Variants in WDTC1 observed in about 807,000 individuals in gnomAD.
WDTC1 encodes WD and tetratricopeptide repeats protein 1.
WDTC1 carries 12 observed loss-of-function variants against 76.0 expected under a neutral mutation model. The ratio of observed to expected loss-of-function variants is 0.16; its 90% confidence interval spans 0.10 to 0.26. The LOEUF is 0.26. Ranked by LOEUF, WDTC1 falls within the 10% of genes least tolerant of loss-of-function variation. The pLI, the probability that WDTC1 is intolerant of heterozygous loss-of-function variation, is 1.00. For synonymous variants in WDTC1, 326 were observed against 350.8 expected, an observed-to-expected ratio of 0.93 and a Z score of 0.79; for missense variants, 511 against 908.8, an observed-to-expected ratio of 0.56 and a Z score of 5.63.
chr1:27,293,449 A>AAAAAAAAAG (rs576038881), intron 7 of WDTC1, among the ~76,000 whole-genome samples: 2 of 150,426 alleles, frequency 1.3e-5, no homozygotes, highest in African/African-American at 4.9e-5. Context: ...AAAAAAAAAA[A>AAAAAAAAAG]AAAAGTATAA....
chr1:27,236,637 G>A (rs1018317391), intron 1 of WDTC1, among the ~76,000 whole-genome samples: 7 of 151,918 alleles, frequency 4.6e-5, no homozygotes, highest in South Asian at 2.1e-4. Flanking sequence ...TTTTTTAGCC[G>A]GGAGGAGTTC....
intron 4 of WDTC1, 60 bp from the exon 5 acceptor site, chr1:27,283,278 G>A (rs752301991): frequency 1.2e-4 from 171 of 1,466,270 alleles, no homozygotes; most frequent in Middle Eastern, 6.9e-4. Context: ...GAGAACATGG[G>A]ATGGGGAAAG....
intron 1 of WDTC1, among the ~76,000 whole-genome samples, chr1:27,258,141 G>A (rs927014348): frequency 6.0e-5 from 9 of 150,874 alleles, no homozygotes; most frequent in African/African-American, 2.2e-4. Flanking sequence ...GCTCATGCCT[G>A]TAATCCCAGC....
At chr1:27,297,858 C>T in intron 11 of WDTC1, 80 bp from the exon 12 acceptor site, 1 of 1,451,240 alleles carries the variant, frequency 6.9e-7, no homozygotes, top group Non-Finnish European at 9.2e-7. Flanking sequence ...CTGGGTGGCC[C>T]TCAGGCCATG....
At chr1:27,242,701 T>C (rs1237897570) in intron 1 of WDTC1, among the ~76,000 whole-genome samples, 1 of 152,050 alleles carries the variant, frequency 6.6e-6, no homozygotes, top group East Asian at 1.9e-4. Context: ...ACTCCTGACC[T>C]CAGGTGATTC....
chr1:27,251,998 A>G (rs1354018077), intron 1 of WDTC1, among the ~76,000 whole-genome samples: 1 of 151,934 alleles, frequency 6.6e-6, no homozygotes, highest in African/African-American at 2.4e-5. Flanking sequence ...TAGTGAGCCA[A>G]GATCGCGCCA....
intron 1 of WDTC1, among the ~76,000 whole-genome samples, chr1:27,235,397 TG>T (rs2011474237): frequency 1.5e-4 from 1 of 6,742 alleles, no homozygotes; most frequent in Non-Finnish European, 2.3e-4. Flanking sequence ...TCTCTTTCTG[TG>T]TGTGTGTGTG....
rs867446337 is a variant in WDTC1 at position 27,301,516 on chromosome 1, T to C, written c.1468+55T>C. 3.2e-6 allele frequency: 5 copies of C among 1,577,860 alleles called. No homozygotes were observed. In the Middle Eastern group the frequency reaches 8.3e-4, roughly 263 times the overall value. On this transcript the variant is annotated intron_variant, in intron 13 of 15. Coordinates refer to ENST00000319394, the MANE Select transcript of WDTC1 (RefSeq NM_001276252.2). The surrounding 1 kb of genome is among the most constrained non-coding windows in gnomAD (Gnocchi z 5.8). Reference sequence around the variant, plus strand: ...TACTCTTTCTCTTTGAGATGCTGCATGACATTCTGGAGAGGTCATGGTTCT... The same window carrying C: ...TACTCTTTCTCTTTGAGATGCTGCACGACATTCTGGAGAGGTCATGGTTCT...
In WDTC1 at chr1:27,283,458, G is replaced by T; in HGVS notation, c.291+9G>T. ...ATATCTTCTCTGTCAAGGTGAGCAG[G>T]ACAAGCCACAGAGCAAGCACAAGCC... On this transcript the variant is annotated intron_variant, in intron 5 of 15. Coordinates refer to ENST00000319394, the MANE Select transcript of WDTC1 (RefSeq NM_001276252.2). 6.3e-7 allele frequency: 1 copy of T among 1,591,794 alleles called. No homozygotes were observed.
intron 3 of WDTC1, among the ~76,000 whole-genome samples, chr1:27,280,965 A>T (rs1029315065): frequency 2.7e-5 from 4 of 150,322 alleles, no homozygotes; most frequent in African/African-American, 9.8e-5. Flanking sequence ...TCTTATTTTT[A>T]TTTTATTTTA....
intron 6 of WDTC1, 78 bp downstream of exon 6, chr1:27,287,939 G>T (rs2013390888): frequency 1.3e-6 from 2 of 1,502,322 alleles, no homozygotes; most frequent in East Asian, 4.9e-5. Flanking sequence ...TACAGACCTA[G>T]CTCTTTCCCT....
intron 1 of WDTC1, among the ~76,000 whole-genome samples, chr1:27,249,131 T>C (rs907495661): frequency 1.3e-5 from 2 of 151,934 alleles, no homozygotes; most frequent in Admixed American, 1.3e-4. Flanking sequence ...TAGCCGAGCA[T>C]AATGGTGCAT....
intron 1 of WDTC1, among the ~76,000 whole-genome samples, chr1:27,260,123 G>A (rs895626239): frequency 1.3e-5 from 2 of 151,678 alleles, no homozygotes; most frequent in South Asian, 2.1e-4. Context: ...GTTTTGTTTC[G>A]AGATGGAGTC....
intron 1 of WDTC1, among the ~76,000 whole-genome samples, chr1:27,252,807 AAAAG>A (rs959432196): frequency 3.9e-5 from 6 of 151,908 alleles, no homozygotes; most frequent in African/African-American, 1.5e-4. Flanking sequence ...CAAAAAAAGA[AAAAG>A]AAAAAAAAAA....
intron 5 of WDTC1, among the ~76,000 whole-genome samples, chr1:27,284,730 G>A: frequency 6.6e-6 from 1 of 151,670 alleles, no homozygotes; most frequent in Non-Finnish European, 1.5e-5. Flanking sequence ...CTTGGGAACG[G>A]CACTTACATG....
rs759171288 is a variant in WDTC1 at position 27,306,302 on chromosome 1, C to T, written c.1953C>T (p.Ile651=). 30 of 1,613,946 alleles carry T rather than the reference C, an allele frequency of 1.9e-5. No homozygotes were observed. In the East Asian group the frequency reaches 4.7e-4, roughly 25 times the overall value. Residue 651 remains isoleucine, a synonymous_variant, in exon 16 of 16, where the codon ATC becomes ATT. Coordinates refer to ENST00000319394, the MANE Select transcript of WDTC1 (RefSeq NM_001276252.2). This position sits in a 1 kb window ranked among gnomAD's most constrained non-coding sequence, Gnocchi z 5.0. The part of the protein sequence containing the change: ...EVMLLNMGYR[I]TGLSSGGAGA... ...TGCTGCTCAACATGGGCTACCGGAT[C>T]ACGGGCCTGAGCAGTGGGGGTGCCG...
chr1:27,289,042 C>A (rs1323960561), intron 6 of WDTC1, among the ~76,000 whole-genome samples: 3 of 148,662 alleles, frequency 2.0e-5, no homozygotes, highest in Non-Finnish European at 3.0e-5. Flanking sequence ...CTGACCCCCC[C>A]ACCTCCCTCC....
At chr1:27,264,813 T>C (rs2012608726) in intron 3 of WDTC1, among the ~76,000 whole-genome samples, 1 of 152,086 alleles carries the variant, frequency 6.6e-6, no homozygotes. Flanking sequence ...ATCTAATTTT[T>C]TTTTTTTGAA....
chr1:27,306,064 G>C lies in WDTC1; in HGVS notation c.1837-122G>C, dbSNP rs538611203. On this transcript the variant is annotated intron_variant, in intron 15 of 15. Coordinates refer to ENST00000319394, the MANE Select transcript of WDTC1 (RefSeq NM_001276252.2). The surrounding 1 kb of genome is among the most constrained non-coding windows in gnomAD (Gnocchi z 5.0). The stretch of plus-strand genomic sequence containing the variant: ...CTCCACCATATACACCTCCTGGCAT[G>C]TATGTGTACCTCCCCCTATAGATAG... 1 of 1,102,860 alleles carries C rather than the reference G, an allele frequency of 9.1e-7. No homozygotes were observed. The highest frequency in any genetic ancestry group is 2.5e-4 in the Middle Eastern group (1 of 4,044). 68.3% of individuals were successfully genotyped at this position (1,102,860 alleles called of 1,614,324 possible). A position where few individuals can be genotyped will look rare whatever the true frequency, so the allele number is the denominator to read the frequency against.
Sources: gnomAD v4.1 joint callset for allele counts (sites outside exome capture counted in the v4.1 genomes callset) on GRCh38, gnomAD v4.1.1 for gene constraint, Gnocchi (gnomAD v3.1) non-coding constraint, MANE v1.5 for transcripts, NCBI Gene and HGNC (gene_info 2026-07-23, HGNC 2026-07-21) for gene names.